Variants in CWC27 observed in about 807,000 individuals in gnomAD.
The protein encoded by CWC27 is spliceosome-associated protein CWC27 homolog.
In CWC27, 47 loss-of-function variants were observed where a neutral mutation model predicts 63.6. That is an observed-to-expected ratio of 0.74 (90% CI 0.58 to 0.94). The LOEUF is 0.94. CWC27 is among the 40% of genes least tolerant of loss of function. The pLI, the probability that CWC27 is intolerant of heterozygous loss-of-function variation, is 0.00. For missense variants in CWC27, 495 were observed against 554.3 expected (o/e 0.89, Z 1.07); for synonymous variants, 175 against 179.8 (o/e 0.97, Z 0.22).
In CWC27 at chr5:64,788,999, G is replaced by A. The variant is rs141020255; in HGVS notation, c.648G>A (p.Glu216=). ...GAGAGGAAGCTGAGGAAGAAGAGGA[G>A]GAAGTAAATCGAGTTAGTCAGGTAA... ...SFGEEAEEEE[E]EVNRVSQSMK... The change falls in exon 7 of 14, where the codon GAG becomes GAA. Residue 216 remains glutamate (E), a synonymous_variant. Transcript: ENST00000381070. The A allele has an allele frequency of 1.9e-6, 3 of 1,603,574 alleles. No individual in the cohort carries two copies.
intron 13 of CWC27, among the ~76,000 whole-genome samples, chr5:64,985,368 G>A (rs564456879): frequency 1.9e-4 from 29 of 152,180 alleles, no homozygotes; most frequent in African/African-American, 7.0e-4. Context: ...GAGGAGAATT[G>A]ACATCTTTAC....
At chr5:64,966,999 C>CA (rs1561173097) in intron 11 of CWC27, among the ~76,000 whole-genome samples, 1 of 151,166 alleles carries the variant, frequency 6.6e-6, no homozygotes, top group African/African-American at 2.4e-5. Context: ...CACATATCTT[C>CA]TTTTTTTTTA....
At chr5:64,943,149 G>A (rs1748520977) in intron 11 of CWC27, among the ~76,000 whole-genome samples, 1 of 151,658 alleles carries the variant, frequency 6.6e-6, no homozygotes, top group African/African-American at 2.4e-5. Flanking sequence ...TATACTCCTA[G>A]GTGAAAAAAA....
intron 10 of CWC27, among the ~76,000 whole-genome samples, chr5:64,837,982 T>C (rs1454606048): frequency 6.6e-6 from 1 of 152,166 alleles, no homozygotes; most frequent in African/African-American, 2.4e-5. Flanking sequence ...TTTTTAGATG[T>C]CTACATTTAT....
chr5:64,865,316 C>A (rs1211741522), intron 10 of CWC27, among the ~76,000 whole-genome samples: 3 of 151,988 alleles, frequency 2.0e-5, no homozygotes, highest in African/African-American at 7.2e-5. Flanking sequence ...GCCCAAATGG[C>A]CCACTTCTCA....
chr5:64,829,639 C>G (rs1389519973), intron 10 of CWC27, among the ~76,000 whole-genome samples: 1 of 137,724 alleles, frequency 7.3e-6, no homozygotes, highest in African/African-American at 2.8e-5. Flanking sequence ...TACTTTTATT[C>G]ACTTTTTTTT....
intron 11 of CWC27, among the ~76,000 whole-genome samples, chr5:64,924,406 C>T (rs1748063306): frequency 6.6e-6 from 1 of 152,166 alleles, no homozygotes; most frequent in Non-Finnish European, 1.5e-5. Flanking sequence ...TACCAAAAGA[C>T]AGAAACCAAA....
At chr5:64,930,266 GT>G (rs200374998) in intron 11 of CWC27, among the ~76,000 whole-genome samples, 200 of 150,522 alleles carry the variant, frequency 1.3e-3, no homozygotes, top group African/African-American at 4.5e-3. Context: ...AACAGGTAGT[GT>G]TTTTTTTTAA....
At chr5:64,873,163 C>G (rs1746715579) in intron 10 of CWC27, among the ~76,000 whole-genome samples, 1 of 152,048 alleles carries the variant, frequency 6.6e-6, no homozygotes, top group Admixed American at 6.6e-5. Context: ...AATGCATAAG[C>G]TTTTCGTTTT....
intron 10 of CWC27, among the ~76,000 whole-genome samples, chr5:64,853,111 T>C (rs1035855756): frequency 5.3e-5 from 8 of 152,300 alleles, no homozygotes; most frequent in African/African-American, 1.9e-4. Flanking sequence ...TCAGGATTGG[T>C]GAGTCAAAGT....
At chr5:65,000,919 A>G (rs1050972249) in intron 13 of CWC27, among the ~76,000 whole-genome samples, 2 of 152,042 alleles carry the variant, frequency 1.3e-5, no homozygotes, top group Non-Finnish European at 2.9e-5. Context: ...TTTGAATAGT[A>G]TGGTCATATT....
intron 1 of CWC27, among the ~76,000 whole-genome samples, chr5:64,770,278 G>A (rs1743201683): frequency 6.6e-6 from 1 of 152,170 alleles, no homozygotes; most frequent in Non-Finnish European, 1.5e-5. Flanking sequence ...GGGCATTGTA[G>A]ATTAGTATGT....
intron 13 of CWC27, among the ~76,000 whole-genome samples, chr5:65,004,402 G>C (rs1208767668): frequency 1.4e-5 from 1 of 69,914 alleles, no homozygotes; most frequent in Non-Finnish European, 2.6e-5. Context: ...TTTTTTTGGT[G>C]GGGGGGTGGT....
chr5:65,009,691 A>G (rs944769675), intron 13 of CWC27, among the ~76,000 whole-genome samples: 1 of 152,218 alleles, frequency 6.6e-6, no homozygotes, highest in Non-Finnish European at 1.5e-5. Flanking sequence ...AGCTCATGTA[A>G]GGACACAGTG....
At chr5:64,915,203 A>G (rs987436324) in intron 11 of CWC27, among the ~76,000 whole-genome samples, 1 of 152,152 alleles carries the variant, frequency 6.6e-6, no homozygotes, top group African/African-American at 2.4e-5. Flanking sequence ...TCAAGAACTC[A>G]CTGACTTGGT....
intron 10 of CWC27, among the ~76,000 whole-genome samples, chr5:64,868,811 T>C (rs1376312460): frequency 6.6e-6 from 1 of 152,036 alleles, no homozygotes; most frequent in Non-Finnish European, 1.5e-5. Context: ...GTAGTTCTAG[T>C]TGTCGTATAG....
chr5:64,929,896 T>C (rs1376256505), intron 11 of CWC27, among the ~76,000 whole-genome samples: 1 of 149,440 alleles, frequency 6.7e-6, no homozygotes, highest in Non-Finnish European at 1.5e-5. Flanking sequence ...AAAGCAAGTG[T>C]TTAAAAAAAA....
chr5:64,943,811 T>C (rs185895988), intron 11 of CWC27, among the ~76,000 whole-genome samples: 100 of 152,276 alleles, frequency 6.6e-4, no homozygotes, highest in African/African-American at 2.2e-3. Flanking sequence ...TTTCTCCTTT[T>C]GGGCCTTTCT....
intron 13 of CWC27, among the ~76,000 whole-genome samples, chr5:64,978,760 G>A (rs1309578): frequency 0.45 from 68,540 of 151,414 alleles, 15,591 homozygotes; most frequent in African/African-American, 0.49. Context: ...AATATGACCC[G>A]TGTGTTTCTG....
Sources: allele counts gnomAD v4.1 joint callset (sites outside exome capture counted in the v4.1 genomes callset), GRCh38; gene constraint gnomAD v4.1.1; transcripts MANE v1.5; gene names NCBI Gene and HGNC (gene_info 2026-07-23, HGNC 2026-07-21).